Variants in PDE10A observed in about 807,000 individuals in gnomAD.
The protein encoded by PDE10A is cAMP and cAMP-inhibited cGMP 3',5'-cyclic phosphodiesterase 10A.
In PDE10A, 39 loss-of-function variants were observed where a neutral mutation model predicts 97.7. That is an observed-to-expected ratio of 0.40 (90% CI 0.31 to 0.52). The LOEUF (loss-of-function observed/expected upper bound fraction) is 0.52, where lower values mean the gene tolerates loss of function less well. Among genes scored for constraint, PDE10A ranks in the 20% least tolerant of loss-of-function variants. PDE10A has a pLI of 0.56. For synonymous variants in PDE10A, 371 were observed against 376.8 expected (o/e 0.98, Z 0.18); for missense variants, 731 against 1,047.8 (o/e 0.70, Z 4.17).
chr6:165,805,948 C>T (rs1779124724), intron 1 of PDE10A, among the ~76,000 whole-genome samples: 1 of 149,948 alleles, frequency 6.7e-6, no homozygotes, highest in African/African-American at 2.5e-5. Context: ...TGTATCTCAG[C>T]CTCCTTAAAG....
chr6:165,924,383 A>G (rs941962173), intron 1 of PDE10A, among the ~76,000 whole-genome samples: 1 of 152,028 alleles, frequency 6.6e-6, no homozygotes, highest in Non-Finnish European at 1.5e-5. Flanking sequence ...TGGATGGAAT[A>G]TCCCCCTCTG....
chr6:165,451,089 C>CT (rs1321936899), intron 3 of PDE10A, among the ~76,000 whole-genome samples: 1 of 152,154 alleles, frequency 6.6e-6, no homozygotes. Flanking sequence ...CTGTGCCACT[C>CT]TAACTTTCCA....
At chr6:165,542,518 G>A (rs1219370617) in intron 2 of PDE10A, among the ~76,000 whole-genome samples, 3 of 151,046 alleles carry the variant, frequency 2.0e-5, no homozygotes, top group Non-Finnish European at 4.4e-5. Context: ...AAACCACGAT[G>A]TGCTTAAAAT....
chr6:165,892,896 A>G (rs13207550), intron 1 of PDE10A, among the ~76,000 whole-genome samples: 70,487 of 151,916 alleles, frequency 0.46, 16,594 homozygotes, highest in East Asian at 0.66. Flanking sequence ...AGTTCTAGAA[A>G]GTATGTGGCT....
At chr6:165,879,145 C>T (rs1204066643) in intron 1 of PDE10A, among the ~76,000 whole-genome samples, 1 of 152,142 alleles carries the variant, frequency 6.6e-6, no homozygotes, top group African/African-American at 2.4e-5. Context: ...GAGGCACCTG[C>T]TAAATTGGGA....
At chr6:165,787,577 A>G (rs1484795143) in intron 1 of PDE10A, among the ~76,000 whole-genome samples, 1 of 152,260 alleles carries the variant, frequency 6.6e-6, no homozygotes, top group Non-Finnish European at 1.5e-5. Flanking sequence ...CAGTATTAGG[A>G]GACATACAGA....
chr6:165,966,639 A>C (rs1325416331), intron 1 of PDE10A, among the ~76,000 whole-genome samples: 1 of 152,220 alleles, frequency 6.6e-6, no homozygotes, highest in African/African-American at 2.4e-5. Flanking sequence ...ACAAACATCC[A>C]TTGAATCCTT....
At chr6:165,871,029 C>T (rs13203696) in intron 1 of PDE10A, among the ~76,000 whole-genome samples, 7,753 of 152,064 alleles carry the variant, frequency 0.051, 230 homozygotes, top group Non-Finnish European at 0.07. Flanking sequence ...TTCTACTGTT[C>T]GATGGTAGAG....
rs932268879 is a variant in PDE10A, at chr6:165,343,441, G to C, written c.2845C>G (p.Pro949Ala). ...TCATTTGCCGTCAATTTTGTAACGG[G>C]CCACAGTTTTGTCACAGAACAAAGG... ...CDLCSVTKLW[P>A]VTKLTANDIY... Residue 949 changes from proline to alanine, a missense_variant, in exon 19 of 22, where the codon CCC becomes GCC. Coordinates refer to ENST00000539869, the MANE Select transcript of PDE10A (RefSeq NM_001385079.1). 1 of 1,613,956 alleles carries C rather than the reference G, an allele frequency of 6.2e-7. No homozygotes were observed. The highest frequency in any genetic ancestry group is 8.5e-7 in the Non-Finnish European group (1 of 1,179,930).
chr6:165,527,818 T>C (rs897636193), intron 2 of PDE10A, among the ~76,000 whole-genome samples: 4 of 152,168 alleles, frequency 2.6e-5, no homozygotes, highest in African/African-American at 9.7e-5. Flanking sequence ...CCTCAGTCTG[T>C]CAGTCTGTAC....
intron 1 of PDE10A, among the ~76,000 whole-genome samples, chr6:165,903,053 T>C (rs894466045): frequency 3.9e-4 from 59 of 152,348 alleles, no homozygotes; most frequent in African/African-American, 1.4e-3. Flanking sequence ...GACACTTTTT[T>C]CCTCATCTCC....
chr6:165,395,525 T>G (rs1786096866), intron 14 of PDE10A, among the ~76,000 whole-genome samples: 1 of 152,078 alleles, frequency 6.6e-6, no homozygotes, highest in South Asian at 2.1e-4. Context: ...TCATTTGTTG[T>G]CAGAGAAATA....
At chr6:165,839,915 C>CTCAATT (rs1780191053) in intron 1 of PDE10A, among the ~76,000 whole-genome samples, 2 of 109,796 alleles carry the variant, frequency 1.8e-5, no homozygotes, top group African/African-American at 3.4e-5. Flanking sequence ...CCAACTCCAT[C>CTCAATT]CCCAACCTCA....
intron 1 of PDE10A, among the ~76,000 whole-genome samples, chr6:165,738,493 A>G (rs1583018498): frequency 6.6e-6 from 1 of 151,718 alleles, no homozygotes; most frequent in Admixed American, 6.6e-5. Context: ...GTGTCTTTAT[A>G]GCAGCATGAT....
intron 1 of PDE10A, among the ~76,000 whole-genome samples, chr6:165,890,643 C>T (rs1781767156): frequency 6.6e-6 from 1 of 152,094 alleles, no homozygotes; most frequent in South Asian, 2.1e-4. Flanking sequence ...CTCAAGTAGG[C>T]GCAAAGACGT....
chr6:165,907,951 C>T (rs1782344759), intron 1 of PDE10A, among the ~76,000 whole-genome samples: 1 of 152,198 alleles, frequency 6.6e-6, no homozygotes. Context: ...AAAACTACAC[C>T]TCGAGCCTTA....
rs146082016 is a variant in PDE10A at position 165,626,250 on chromosome 6, T to C, written c.865+35697A>G. Among the ~76,000 whole-genome samples, 52 of 152,340 alleles carry C rather than the reference T, an allele frequency of 3.4e-4. 1 individual carries two copies. The highest frequency in any genetic ancestry group is 1.1e-3 in the African/African-American group (47 of 41,590). On this transcript the variant is annotated intron_variant, in intron 1 of 21. Coordinates refer to ENST00000539869, the MANE Select transcript of PDE10A (RefSeq NM_001385079.1). ...CAGGAAACCACACAAAAGTCGAAAA[T>C]GAAAGTTTTCATGAAGGTGTTTATT...
chr6:165,709,568 G>T (rs1246394575), intron 1 of PDE10A, among the ~76,000 whole-genome samples: 2 of 49,184 alleles, frequency 4.1e-5, no homozygotes, highest in African/African-American at 1.6e-4. Context: ...CCATGCAGCC[G>T]CGCTATCCCC....
Position 165,956,144 on chromosome 6 carries a change from C to T in PDE10A, c.-615+31385G>A, listed in dbSNP as rs143329196. Among the ~76,000 whole-genome samples the T allele has an allele frequency of 3.9e-5, 6 of 152,264 alleles. No individual in the cohort carries two copies. The East Asian group carries it at 7.7e-4, about 20-fold the overall frequency. On this transcript the variant is annotated intron_variant, in intron 1 of 19. Transcript: ENST00000366882. ...GTGCATTGTATGAATTAGTAAAATTCGTGTCATAATAGTAGCATCTTATTT... is the reference window on the plus strand; with the variant it reads ...GTGCATTGTATGAATTAGTAAAATTTGTGTCATAATAGTAGCATCTTATTT...
Sources: gnomAD v4.1 joint callset for allele counts (sites outside exome capture counted in the v4.1 genomes callset) on GRCh38, gnomAD v4.1.1 for gene constraint, MANE v1.5 for transcripts, NCBI Gene and HGNC (gene_info 2026-07-23, HGNC 2026-07-21) for gene names.